COP1: variants seen among roughly 807,000 people sequenced by gnomAD.
COP1 encodes E3 ubiquitin-protein ligase COP1.
Under a neutral mutation model 101.3 loss-of-function variants are expected in COP1, and 24 were observed. The ratio of observed to expected loss-of-function variants is 0.24; its 90% CI spans 0.17 to 0.33. The LOEUF is 0.33. Ranked by LOEUF, COP1 falls within the 10% of genes least tolerant of loss-of-function variation. The pLI, the probability that COP1 is intolerant of heterozygous loss-of-function variation, is 1.00. For synonymous variants in COP1, 347 were observed against 341.9 expected, an observed-to-expected ratio of 1.01 and a Z score of -0.17; for missense variants, 663 against 906.2, an observed-to-expected ratio of 0.73 and a Z score of 3.45.
chr1:175,959,586 A>G (rs1172076556), intron 18 of COP1, among the ~76,000 whole-genome samples: 1 of 152,166 alleles, frequency 6.6e-6, no homozygotes, highest in African/African-American at 2.4e-5. Flanking sequence ...ATTAAAATTA[A>G]TAAGAGAGTT....
At chr1:176,007,201 C>T (rs2148918330) in intron 15 of COP1, among the ~76,000 whole-genome samples, 1 of 152,260 alleles carries the variant, frequency 6.6e-6, no homozygotes, top group South Asian at 2.1e-4. Flanking sequence ...CCATCAGCTC[C>T]TTTAAGCACT....
intron 11 of COP1, among the ~76,000 whole-genome samples, chr1:176,080,328 A>G (rs1261302469): frequency 2.0e-5 from 3 of 152,190 alleles, no homozygotes; most frequent in African/African-American, 7.2e-5. Context: ...AAAAGAAGGT[A>G]TCAACTAAAG....
intron 15 of COP1, among the ~76,000 whole-genome samples, chr1:176,023,766 C>T (rs1667205180): frequency 1.4e-5 from 2 of 143,004 alleles, no homozygotes; most frequent in Admixed American, 1.4e-4. Flanking sequence ...AAAAAGTAAA[C>T]ACATTGAATT....
chr1:176,178,535 G>A (rs948682863), intron 2 of COP1, among the ~76,000 whole-genome samples: 1 of 151,966 alleles, frequency 6.6e-6, no homozygotes, highest in Non-Finnish European at 1.5e-5. Flanking sequence ...AAGTCATAAA[G>A]GAGAGACTCT....
At chr1:176,116,804 T>G (rs1250273416) in intron 8 of COP1, 123 bp from the exon 9 acceptor site, 1 of 693,928 alleles carries the variant, frequency 1.4e-6, no homozygotes, top group Non-Finnish European at 2.5e-6. Flanking sequence ...AAGAAAATAT[T>G]TATTGCCAAT....
intron 5 of COP1, among the ~76,000 whole-genome samples, chr1:176,152,775 T>A (rs1230430175): frequency 6.6e-6 from 1 of 152,202 alleles, no homozygotes; most frequent in East Asian, 1.9e-4. Context: ...GATAACTTTA[T>A]GTGTGTTTCC....
At chr1:176,035,708 A>AC (rs1276644287) in intron 14 of COP1, among the ~76,000 whole-genome samples, 1 of 79,358 alleles carries the variant, frequency 1.3e-5, no homozygotes, top group African/African-American at 3.6e-5. Flanking sequence ...ATAAAACGAG[A>AC]CCAAAAAAAA....
At chr1:175,967,512 CAAA>C (rs1558170403) in intron 18 of COP1, among the ~76,000 whole-genome samples, 55 of 151,726 alleles carry the variant, frequency 3.6e-4, no homozygotes, top group African/African-American at 1.3e-3. Context: ...AACAAACAAA[CAAA>C]CAAACAAACC....
In COP1 at chr1:175,972,129, A is replaced by G. The variant is rs114646139; in HGVS notation, c.2133+14814T>C. On this transcript the variant is annotated intron_variant, in intron 18 of 19. Coordinates refer to ENST00000367669, the MANE Select transcript of COP1 (RefSeq NM_022457.7). ...TTATGTAACCCATAACAACAACAAC[A>G]ACAACAACAAATACAAAAGGTGGTT... Among the ~76,000 whole-genome samples, 895 of 152,320 alleles carry G rather than the reference A, an allele frequency of 5.9e-3. 12 individuals carry two copies. Among genetic ancestry groups the G allele is most frequent in the African/African-American group, 0.021 (858 of 41,576 alleles).
intron 9 of COP1, among the ~76,000 whole-genome samples, chr1:176,095,582 T>A (rs911603541): frequency 3.3e-5 from 5 of 150,624 alleles, no homozygotes; most frequent in African/African-American, 1.2e-4. Context: ...TTGGGGAGGC[T>A]GAGGTAAGAG....
At chr1:176,149,376 C>G (rs966865309) in intron 5 of COP1, among the ~76,000 whole-genome samples, 1 of 152,022 alleles carries the variant, frequency 6.6e-6, no homozygotes, top group East Asian at 1.9e-4. Flanking sequence ...CTTCTCTTCC[C>G]CAACTCAACT....
chr1:176,162,111 C>T (rs1694426613), intron 5 of COP1, among the ~76,000 whole-genome samples: 1 of 152,194 alleles, frequency 6.6e-6, no homozygotes, highest in Non-Finnish European at 1.5e-5. Flanking sequence ...AGACTCTCAA[C>T]AACATTCAAA....
In COP1 at chr1:175,977,563, A is replaced by G. The variant is rs116646124; in HGVS notation, c.2133+9380T>C. Among the ~76,000 whole-genome samples, 892 of 152,272 alleles carry G rather than the reference A, an allele frequency of 5.9e-3. 12 individuals are homozygous for G. The highest frequency in any genetic ancestry group is 0.021 in the African/African-American group (854 of 41,574). On this transcript the variant is annotated intron_variant, in intron 18 of 19. Transcript: ENST00000367669. ...AAAATAGAATTTAAGAAATAATGGA[A>G]TAAGAGATAAAAAAGGTACAAATCA...
chr1:176,065,865 G>T (rs1431806241), intron 11 of COP1, among the ~76,000 whole-genome samples: 2 of 151,910 alleles, frequency 1.3e-5, no homozygotes, highest in Non-Finnish European at 2.9e-5. Flanking sequence ...GCACCACCAT[G>T]CTTGGCTAAT....
chr1:176,060,703 G>A (rs1221120429), intron 11 of COP1, among the ~76,000 whole-genome samples: 1 of 152,068 alleles, frequency 6.6e-6, no homozygotes, highest in Non-Finnish European at 1.5e-5. Flanking sequence ...ATGATATAAA[G>A]AAACCATTTA....
chr1:176,065,036 A>T (rs1675671974), intron 11 of COP1, among the ~76,000 whole-genome samples: 2 of 152,172 alleles, frequency 1.3e-5, no homozygotes. Context: ...CATATAACTA[A>T]GATTATAGAA....
intron 5 of COP1, among the ~76,000 whole-genome samples, chr1:176,157,483 G>A (rs891615970): frequency 1.3e-5 from 2 of 151,998 alleles, no homozygotes; most frequent in African/African-American, 2.4e-5. Flanking sequence ...CAGACAAAGG[G>A]CCAGAAATAT....
chr1:176,116,744 T>A, intron 8 of COP1, 63 bp from the exon 9 acceptor site: 2 of 1,220,666 alleles, frequency 1.6e-6, no homozygotes, highest in South Asian at 1.3e-5. Flanking sequence ...ACAGAAAAAG[T>A]AAATCTAAAG....
chr1:176,173,324 G>GAAAAAAAAAAAA (rs11396126), intron 3 of COP1, among the ~76,000 whole-genome samples: 3 of 93,748 alleles, frequency 3.2e-5, no homozygotes, highest in Non-Finnish European at 3.9e-5. Context: ...AAAACAAAAT[G>GAAAAAAAAAAAA]AAAAAAAAAA....
Sources: allele counts gnomAD v4.1 joint callset (sites outside exome capture counted in the v4.1 genomes callset), GRCh38; gene constraint gnomAD v4.1.1; transcripts MANE v1.5; gene names NCBI Gene and HGNC (gene_info 2026-07-23, HGNC 2026-07-21).